Variants in POFUT3 observed in about 807,000 individuals in gnomAD.
POFUT3 encodes protein O-fucosyltransferase 3.
the POFUT3 span, among the ~76,000 whole-genome samples, chr8:33,353,771 C>T: frequency 6.6e-6 from 1 of 152,134 alleles, no homozygotes; most frequent in African/African-American, 2.4e-5. Context: ...CAAGAAATCA[C>T]TGAGCAATTT....
At chr8:33,447,095 C>T in the POFUT3 span, among the ~76,000 whole-genome samples, 7 of 152,142 alleles carry the variant, frequency 4.6e-5, no homozygotes, top group African/African-American at 1.7e-4. Flanking sequence ...CTTCATCGCT[C>T]GGGAGACCTT....
the POFUT3 span, among the ~76,000 whole-genome samples, chr8:33,430,435 C>A: frequency 6.6e-6 from 1 of 152,014 alleles, no homozygotes; most frequent in Admixed American, 6.6e-5. Context: ...AGGAAGGCTG[C>A]AAACTGCTGA....
At chr8:33,312,004 C>A in the POFUT3 span, among the ~76,000 whole-genome samples, 1 of 152,040 alleles carries the variant, frequency 6.6e-6, no homozygotes, top group African/African-American at 2.4e-5. Context: ...TGGTCACACT[C>A]GTAATCCTAG....
At chr8:33,441,424 AGG>A in the POFUT3 span, among the ~76,000 whole-genome samples, 3 of 131,124 alleles carry the variant, frequency 2.3e-5, no homozygotes, top group Admixed American at 2.6e-4. Context: ...TCTATTGACC[AGG>A]CTGGAGTGCA....
At chr8:33,324,101 A>G in the POFUT3 span, among the ~76,000 whole-genome samples, 3 of 152,166 alleles carry the variant, frequency 2.0e-5, no homozygotes, top group African/African-American at 7.2e-5. Context: ...TAGACTCCCC[A>G]GAGGTTTCCA....
the POFUT3 span, among the ~76,000 whole-genome samples, chr8:33,395,269 C>T: frequency 6.6e-6 from 1 of 152,138 alleles, no homozygotes; most frequent in Non-Finnish European, 1.5e-5. Context: ...CCTGCCCCAC[C>T]ACCTATCCTG....
the POFUT3 span, among the ~76,000 whole-genome samples, chr8:33,464,809 A>G: frequency 1.3e-5 from 2 of 152,182 alleles, no homozygotes; most frequent in Non-Finnish European, 2.9e-5. Flanking sequence ...AAAAAAAGAA[A>G]TACTATAAAA....
At chr8:33,310,646 G>A in the POFUT3 span, among the ~76,000 whole-genome samples, 2 of 150,568 alleles carry the variant, frequency 1.3e-5, no homozygotes, top group South Asian at 2.1e-4. Flanking sequence ...AGCTGAGATC[G>A]TGCCACTGCA....
chr8:33,381,862 T>A, the POFUT3 span, among the ~76,000 whole-genome samples: 1 of 152,218 alleles, frequency 6.6e-6, no homozygotes, highest in Non-Finnish European at 1.5e-5. Context: ...ACAAAGCTTA[T>A]TCCTTTAATA....
chr8:33,394,771 T>C, the POFUT3 span, among the ~76,000 whole-genome samples: 7 of 152,176 alleles, frequency 4.6e-5, no homozygotes, highest in Non-Finnish European at 1.0e-4. Context: ...ACTTCCTTTC[T>C]GGTGGAGAAA....
chr8:33,418,093 G>GAGCCCCC, the POFUT3 span, among the ~76,000 whole-genome samples: 1 of 152,058 alleles, frequency 6.6e-6, no homozygotes, highest in African/African-American at 2.4e-5. Context: ...GCACCATTTT[G>GAGCCCCC]AGCCCCCAGC....
the POFUT3 span, among the ~76,000 whole-genome samples, chr8:33,457,789 A>G: frequency 6.6e-6 from 1 of 152,154 alleles, no homozygotes. Context: ...AAATATACAT[A>G]TATACCCAAA....
chr8:33,409,300 G>A, the POFUT3 span, among the ~76,000 whole-genome samples: 4 of 151,864 alleles, frequency 2.6e-5, no homozygotes, highest in Admixed American at 6.6e-5. Context: ...ACGGGGTTTC[G>A]CCATGTTGGC....
At chr8:33,379,308 C>T in the POFUT3 span, among the ~76,000 whole-genome samples, 1 of 151,590 alleles carries the variant, frequency 6.6e-6, no homozygotes, top group African/African-American at 2.4e-5. Flanking sequence ...CATTAACAGC[C>T]TTGACAGAAA....
the POFUT3 span, among the ~76,000 whole-genome samples, chr8:33,445,437 A>G: frequency 1.6e-4 from 25 of 152,342 alleles, no homozygotes; most frequent in African/African-American, 5.8e-4. Flanking sequence ...GGATGAGATC[A>G]GCAGAAATCT....
the POFUT3 span, among the ~76,000 whole-genome samples, chr8:33,416,847 AAAAG>A: frequency 9.9e-5 from 15 of 151,650 alleles, no homozygotes; most frequent in South Asian, 4.2e-4. Context: ...AAAAAAAAAA[AAAAG>A]AAAGAAAGAA....
the POFUT3 span, among the ~76,000 whole-genome samples, chr8:33,458,234 A>C: frequency 6.6e-6 from 1 of 150,394 alleles, no homozygotes; most frequent in Non-Finnish European, 1.5e-5. Flanking sequence ...TGACACCTTG[A>C]TCTTGGACTT....
At chr8:33,340,499 G>C in the POFUT3 span, among the ~76,000 whole-genome samples, 6 of 151,652 alleles carry the variant, frequency 4.0e-5, no homozygotes, top group Non-Finnish European at 5.9e-5. Context: ...CAGCATATAG[G>C]TTTCAAAATA....
At chr8:33,392,787 C>T in the POFUT3 span, among the ~76,000 whole-genome samples, 6 of 151,724 alleles carry the variant, frequency 4.0e-5, no homozygotes, top group African/African-American at 1.5e-4. Flanking sequence ...AGTTCAAGAC[C>T]AGCCTGGCCA....
Sources: allele counts gnomAD v4.1 joint callset (sites outside exome capture counted in the v4.1 genomes callset), GRCh38; gene constraint gnomAD v4.1.1; transcripts MANE v1.5; gene names NCBI Gene and HGNC (gene_info 2026-07-23, HGNC 2026-07-21).